COL6A3: variants seen among roughly 807,000 people sequenced by gnomAD.
COL6A3 encodes the protein collagen type VI alpha 3 chain, also known as collagen alpha-3(VI) chain.
Under a neutral mutation model 274.1 loss-of-function variants are expected in COL6A3, and 137 were observed. The observed-to-expected ratio is 0.50, with a 90% CI of 0.44 to 0.58. COL6A3 has a LOEUF of 0.58. Ranked by LOEUF, COL6A3 falls within the 20% of genes least tolerant of loss-of-function variation. The pLI, the probability that COL6A3 is intolerant of heterozygous loss-of-function variation, is 0.00. For synonymous variants in COL6A3, 1,650 were observed against 1,650.6 expected, an observed-to-expected ratio of 1.00 and a Z score of 0.01; for missense variants, 3,950 against 4,124.9, an observed-to-expected ratio of 0.96 and a Z score of 1.16.
chr2:237,342,281 G>A, intron 36 of COL6A3, 120 bp from the exon 37 acceptor site: 1 of 779,180 alleles, frequency 1.3e-6, no homozygotes, highest in Non-Finnish European at 2.2e-6. Context: ...CAATAGGGCA[G>A]TATTGGGAAT....
At chr2:237,332,115 A>ATATATATATATATATATATT in intron 42 of COL6A3, among the ~76,000 whole-genome samples, 1 of 103,596 alleles carries the variant, frequency 9.7e-6, no homozygotes, top group Non-Finnish European at 2.0e-5. Context: ...ATATATATAT[A>ATATATATATATATATATATT]TATGAAAAGA....
chr2:237,372,353 G>A lies in COL6A3; in HGVS notation c.3680-16C>T, dbSNP rs774072021. 16 of 1,601,978 alleles carry A rather than the reference G, an allele frequency of 1.0e-5. No individual in the cohort carries two copies. The South Asian group carries it at 1.2e-4, about 12-fold the overall frequency. ...CCACCAACACCTGCGAAACAAATGT[G>A]AGCATGGCTTCACCTTCATCGTCAC... is the stretch of plus-strand genomic sequence containing the variant. On this transcript the variant is annotated splice_polypyrimidine_tract_variant and intron_variant, in intron 8 of 43. Transcript: ENST00000295550.
At position 237,380,976 on chromosome 2, in the gene COL6A3, T is replaced by C. The variant is rs1559261162; in HGVS notation, c.1836A>G (p.Pro612=). The change falls in exon 5 of 44, where the codon CCA becomes CCG. Residue 612 remains proline (P), a synonymous_variant. Transcript: ENST00000295550. The part of the protein sequence containing the change: ...VFIPAEFRAA[P]LQGMLPGLLA... ...GCAAGCCAGGCAGCATGCCTTGCAA[T>C]GGGGCGGCTCGGAACTCAGCTGGGA... The C allele has an allele frequency of 1.2e-6, 2 of 1,614,172 alleles. No individual in the cohort carries two copies. Among genetic ancestry groups the C allele is most frequent in the Non-Finnish European group, 1.7e-6 (2 of 1,180,032 alleles).
rs973526605 is a variant in COL6A3, at chr2:237,346,449, A to C, written c.7092+54T>G. ...AGATGGTGGGAAGTTTTCAGGGACC[A>C]CGTGTAAAGCACCCAGCCCCAGGTG... On this transcript the variant is annotated intron_variant, in intron 32 of 43. Coordinates refer to ENST00000295550, the MANE Select transcript of COL6A3 (RefSeq NM_004369.4). 3.3e-6 allele frequency: 5 copies of C among 1,501,516 alleles called. No individual in the cohort carries two copies. The Admixed American group carries it at 8.4e-5, about 25-fold the overall frequency. The allele number at this position is 1,501,516 out of a possible 1,614,324, so 93.0% of individuals were successfully genotyped here.
chr2:237,411,496 T>C (rs982142875), intron 1 of COL6A3, among the ~76,000 whole-genome samples: 2 of 152,192 alleles, frequency 1.3e-5, no homozygotes, highest in South Asian at 2.1e-4. Context: ...AAGGCGGTCT[T>C]GTTTCAAGCT....
At chr2:237,355,297 A>G (rs1221001620) in intron 23 of COL6A3, 3 of 247,660 alleles carry the variant, frequency 1.2e-5, no homozygotes, top group African/African-American at 2.2e-5. Context: ...CAACCTGTCT[A>G]TTTTTCTTCC....
intron 12 of COL6A3, among the ~76,000 whole-genome samples, chr2:237,365,265 T>C (rs1031085995): frequency 6.6e-6 from 1 of 150,850 alleles, no homozygotes; most frequent in South Asian, 2.1e-4. Context: ...TGTGAGAAAA[T>C]AAATGTCTGT....
At position 237,334,892 on chromosome 2, in the gene COL6A3, G is replaced by A; in HGVS notation, c.8966-3C>T. On this transcript the variant is annotated splice_region_variant and splice_polypyrimidine_tract_variant and intron_variant, in intron 40 of 43. Transcript: ENST00000295550. ...CTGGACTTCACGGGACATCTTAACT[G>A]AAAGATAGATCAGAGCGTGAAGATA... 6.2e-7 allele frequency: 1 copy of A among 1,614,060 alleles called. No homozygotes were observed. The highest frequency in any genetic ancestry group is 8.5e-7 in the Non-Finnish European group (1 of 1,179,998).
intron 24 of COL6A3, among the ~76,000 whole-genome samples, chr2:237,354,344 C>T (rs2077271421): frequency 6.6e-6 from 1 of 151,736 alleles, no homozygotes; most frequent in African/African-American, 2.4e-5. Flanking sequence ...AGCTGAATAC[C>T]TCCCTCACAT....
intron 6 of COL6A3, among the ~76,000 whole-genome samples, chr2:237,378,077 T>A (rs2077898791): frequency 6.6e-6 from 1 of 152,232 alleles, no homozygotes; most frequent in Non-Finnish European, 1.5e-5. Context: ...AGCAGACTGG[T>A]AGATCTGATA....
chr2:237,377,214 C>G lies in COL6A3; in HGVS notation c.2628G>C (p.Ala876=). ...LNVKPEGTRI[A]VAQYSDDVKV... is the part of the protein sequence containing the mutation. ...TGACATCATCGCTGTACTGAGCCAC[C>G]GCAATTCGGGTCCCCTCTGGCTTCA... Residue 876 remains alanine, a synonymous_variant, in exon 7 of 44, where the codon GCG becomes GCC. Coordinates refer to ENST00000295550, the MANE Select transcript of COL6A3 (RefSeq NM_004369.4). 1 of 1,613,684 alleles carries G rather than the reference C, an allele frequency of 6.2e-7. No homozygotes were observed. Among genetic ancestry groups the G allele is most frequent in the South Asian group, 1.1e-5 (1 of 91,064 alleles).
At chr2:237,392,558 A>G (rs567947345) in intron 3 of COL6A3, among the ~76,000 whole-genome samples, 5 of 152,326 alleles carry the variant, frequency 3.3e-5, no homozygotes, top group African/African-American at 1.2e-4. Context: ...TCTTGGTGGT[A>G]ACCATTTTTA....
At chr2:237,399,573 G>A (rs1046916961) in intron 1 of COL6A3, among the ~76,000 whole-genome samples, 23 of 152,236 alleles carry the variant, frequency 1.5e-4, no homozygotes, top group African/African-American at 5.5e-4. Flanking sequence ...AGTTTGGAAA[G>A]TGCTGAATAC....
chr2:237,366,764 A>C lies in COL6A3; in HGVS notation c.5423T>G (p.Leu1808Arg). The change falls in exon 11 of 44, where the codon CTG becomes CGG. Residue 1808 changes from leucine (L) to arginine (R), a missense_variant. Physicochemically the swap from Leu to Arg is moderately radical, Grantham distance 102. Transcript: ENST00000295550. ...RVGNVQELSELSEQVLETLHD... is the reference protein window; with the variant it reads ...RVGNVQELSERSEQVLETLHD... Reference sequence around the variant, plus strand: ...CAAAGTTTCCAAAACTTGCTCGCTCAGTTCGGACAGCTCCTGGACGTTGCC... The same window carrying C: ...CAAAGTTTCCAAAACTTGCTCGCTCCGTTCGGACAGCTCCTGGACGTTGCC... 6.2e-7 allele frequency: 1 copy of C among 1,614,278 alleles called. No homozygotes were observed. The highest frequency in any genetic ancestry group is 1.3e-5 in the African/African-American group (1 of 75,072).
In COL6A3 at chr2:237,378,907, G is replaced by A. The variant is rs376627571; in HGVS notation, c.2226C>T (p.His742=). 9.9e-6 allele frequency: 16 copies of A among 1,614,098 alleles called. No individual in the cohort carries two copies. Among genetic ancestry groups the A allele is most frequent in the African/African-American group, 2.7e-5 (2 of 74,940 alleles). ...TGAGCAGAAGCAGGAGCTGCGGCAC[G>A]TGTTCACGGATCCTGCTGCCGCCAG... ...TEAGGSRIRE[H]VPQLLLLLTA... The change falls in exon 6 of 44, where the codon CAC becomes CAT. Residue 742 remains histidine, a synonymous_variant. Transcript: ENST00000295550.
intron 9 of COL6A3, among the ~76,000 whole-genome samples, chr2:237,369,845 T>C (rs1324426989): frequency 6.6e-6 from 1 of 151,944 alleles, no homozygotes; most frequent in Non-Finnish European, 1.5e-5. Flanking sequence ...TTCTTTCTTT[T>C]TTTTTTTTCT....
In COL6A3 at chr2:237,395,918, G is replaced by A. The variant is rs559385084; in HGVS notation, c.92-714C>T. ...GTTCTCCCTCAAGGGTGGGAGCTCAGGGTATCAGGCTGTCAGTGGCCCCAG... is the reference window on the plus strand; with the variant it reads ...GTTCTCCCTCAAGGGTGGGAGCTCAAGGTATCAGGCTGTCAGTGGCCCCAG... On this transcript the variant is annotated intron_variant, in intron 2 of 43. Transcript: ENST00000295550. Among the ~76,000 whole-genome samples the A allele has an allele frequency of 9.2e-5, 14 of 152,298 alleles. No individual in the cohort carries two copies. In the East Asian group the frequency reaches 2.7e-3, roughly 29 times the overall value.
chr2:237,376,621 T>G (rs1258382809), intron 7 of COL6A3, 151 bp downstream of exon 7: 1 of 793,446 alleles, frequency 1.3e-6, no homozygotes, highest in East Asian at 2.4e-5. Flanking sequence ...CATATTCTAT[T>G]GTTCCTGCTG....
chr2:237,396,799 A>G lies in COL6A3; in HGVS notation c.19T>C (p.Leu7=). 1 of 1,614,226 alleles carries G rather than the reference A, an allele frequency of 6.2e-7. No homozygotes were observed. MRKHRH[L]PLVAVFCLFL... is the part of the protein sequence containing the mutation. ...AGGCAAAAGACGGCCACTAAGGGCA[A>G]GTGCCGATGTTTCCTCATTTTGAAT... The change falls in exon 2 of 44, where the codon TTG becomes CTG. Residue 7 remains leucine, a synonymous_variant. Coordinates refer to ENST00000295550, the MANE Select transcript of COL6A3 (RefSeq NM_004369.4).
Sources: gnomAD v4.1 joint callset for allele counts (sites outside exome capture counted in the v4.1 genomes callset) on GRCh38, gnomAD v4.1.1 for gene constraint, MANE v1.5 for transcripts, NCBI Gene and HGNC (gene_info 2026-07-23, HGNC 2026-07-21) for gene names.